Variants in SMG1 observed in about 807,000 individuals in gnomAD.
The protein encoded by SMG1 is SMG1 nonsense mediated mRNA decay associated PI3K related kinase.
A neutral mutation model predicts 419.9 loss-of-function variants in SMG1; 22 were observed. That is an observed-to-expected ratio of 0.05 (90% CI 0.04 to 0.07). The LOEUF (loss-of-function observed/expected upper bound fraction) is 0.07, where lower values mean the gene tolerates loss of function less well. Among genes scored for constraint, SMG1 ranks in the 10% least tolerant of loss-of-function variants. SMG1 has a pLI of 1.00. For missense variants in SMG1, 3,185 were observed against 4,342.0 expected, an observed-to-expected ratio of 0.73 and a Z score of 7.49; for synonymous variants, 1,538 against 1,553.5, an observed-to-expected ratio of 0.99 and a Z score of 0.23.
intron 13 of SMG1, among the ~76,000 whole-genome samples, chr16:18,874,655 C>T (rs1596568430): frequency 1.4e-5 from 2 of 147,142 alleles, no homozygotes; most frequent in South Asian, 4.3e-4. Context: ...CACCTGAGGT[C>T]AGGAGTTTGA....
rs1428574942 is a variant in SMG1, at chr16:18,827,030, G to A, written c.9741+1001C>T. 7.6e-5 allele frequency among the ~76,000 whole-genome samples: 3 copies of A among 39,588 alleles called. 1 individual carries two copies. Among genetic ancestry groups the A allele is most frequent in the South Asian group, 1.5e-3 (2 of 1,346 alleles). The allele number at this position is 39,588 out of a possible 152,430, so 26.0% of individuals were successfully genotyped here. A position where few individuals can be genotyped will look rare whatever the true frequency, so the allele number is the denominator to read the frequency against. ...GGGAGTGACCCGATTTTCCAGGTAC[G>A]TCCGTCACCCCTTTCTTTGACTCGG... is the stretch of plus-strand genomic sequence containing the variant. On this transcript the variant is annotated intron_variant, in intron 55 of 62. Coordinates refer to ENST00000446231, the MANE Select transcript of SMG1 (RefSeq NM_015092.5).
chr16:18,834,869 C>A, intron 49 of SMG1, 23 bp downstream of exon 49: 1 of 1,604,568 alleles, frequency 6.2e-7, no homozygotes, highest in South Asian at 1.1e-5. Flanking sequence ...GGAAATGGTC[C>A]AATATGAAGT....
Position 18,839,826 on chromosome 16 carries a change from G to A in SMG1, c.6817C>T (p.Arg2273Trp), listed in dbSNP as rs903141260. ...TVGLSLDVSR[R>W]DWPLHVMKAV... ...TTCATTACATGAAGAGGCCAATCCC[G>A]ACGGGACACATCCAGGCTAAGCCCA... The change falls in exon 42 of 63, where the codon CGG (arginine) becomes TGG (tryptophan). Residue 2273 changes from arginine (R) to tryptophan (W), a missense_variant. Coordinates refer to ENST00000446231, the MANE Select transcript of SMG1 (RefSeq NM_015092.5). 4 of 1,613,832 alleles carry A rather than the reference G, an allele frequency of 2.5e-6. No homozygotes were observed. The highest frequency in any genetic ancestry group is 1.3e-5 in the African/African-American group (1 of 74,910).
Position 18,839,902 on chromosome 16 carries a change from G to A in SMG1, c.6741C>T (p.Pro2247=), listed in dbSNP as rs1351823281. 6.2e-7 allele frequency: 1 copy of A among 1,607,168 alleles called. No individual in the cohort carries two copies. Among genetic ancestry groups the A allele is most frequent in the African/African-American group, 1.3e-5 (1 of 74,940 alleles). The change falls in exon 42 of 63, where the codon CCC becomes CCT. Residue 2247 remains proline (P), a synonymous_variant. Transcript: ENST00000446231. ...TACTGTAATAAAGTTCACTAGGACG[G>A]GGTACAATTCCAGGATTCTGAGGAG... is the stretch of plus-strand genomic sequence containing the variant. ...YQTPQNPGIV[P]RPSELYYSKI...
intron 1 of SMG1, among the ~76,000 whole-genome samples, chr16:18,907,340 C>G (rs1049287943): frequency 6.6e-5 from 10 of 151,644 alleles, no homozygotes; most frequent in Admixed American, 5.3e-4. Context: ...AAGTTCATGA[C>G]TTTCTCCTTG....
At chr16:18,899,740 A>G (rs2141873585) in intron 1 of SMG1, among the ~76,000 whole-genome samples, 1 of 152,310 alleles carries the variant, frequency 6.6e-6, no homozygotes, top group East Asian at 1.9e-4. Context: ...TAGGCTAGTT[A>G]GTTAGAAGAG....
intron 56 of SMG1, among the ~76,000 whole-genome samples, chr16:18,819,227 C>T (rs1177444268): frequency 6.6e-6 from 1 of 152,202 alleles, no homozygotes; most frequent in Non-Finnish European, 1.5e-5. Flanking sequence ...ACCCAGAGAA[C>T]CTTAAACAGA....
intron 6 of SMG1, among the ~76,000 whole-genome samples, chr16:18,888,984 G>A (rs1299641843): frequency 2.0e-5 from 3 of 151,788 alleles, no homozygotes; most frequent in East Asian, 1.9e-4. Context: ...CACCACGCCT[G>A]GCTAATTTTT....
chr16:18,884,143 A>G lies in SMG1; in HGVS notation c.1046T>C (p.Phe349Ser). ...AGAAAATGCAAGATCAGCTACCCAA[A>G]ATGGCTCCAAACTCTGCAACCACCC... ...VSGWLQSLEPFWVADLAFSTT... is the reference protein window; with the variant it reads ...VSGWLQSLEPSWVADLAFSTT... The change falls in exon 9 of 63, where the codon TTT becomes TCT. Residue 349 changes from phenylalanine (F) to serine (S), a missense_variant. Phe to Ser is a radical substitution (Grantham distance 155). This residue lies in a region of SMG1 where 27 missense variants were observed against 59.4 expected (regional missense o/e 0.45). Coordinates refer to ENST00000446231, the MANE Select transcript of SMG1 (RefSeq NM_015092.5). 2.5e-6 allele frequency: 4 copies of G among 1,602,672 alleles called. No homozygotes were observed. The highest frequency in any genetic ancestry group is 3.4e-6 in the Non-Finnish European group (4 of 1,172,258).
chr16:18,849,620 C>T (rs1039929005), intron 35 of SMG1, among the ~76,000 whole-genome samples: 4 of 152,150 alleles, frequency 2.6e-5, no homozygotes, highest in Admixed American at 6.5e-5. Flanking sequence ...AAAAATGTTA[C>T]GGAGAAATGT....
intron 1 of SMG1, among the ~76,000 whole-genome samples, chr16:18,903,934 C>CTTTTTTTTTT (rs71141091): frequency 1.1e-4 from 11 of 99,848 alleles, no homozygotes; most frequent in Non-Finnish European, 1.7e-4. Flanking sequence ...TATGTCTTGT[C>CTTTTTTTTTT]TTTTTTTTTT....
chr16:18,812,177 G>A, intron 60 of SMG1, 50 bp from the exon 61 acceptor site: 1 of 1,572,940 alleles, frequency 6.4e-7, no homozygotes, highest in Non-Finnish European at 8.6e-7. Flanking sequence ...AGAACATGGA[G>A]GGGGCAGAGT....
chr16:18,871,186 A>G (rs2035798983), intron 16 of SMG1, among the ~76,000 whole-genome samples, 178 bp downstream of exon 16: 1 of 152,192 alleles, frequency 6.6e-6, no homozygotes. Flanking sequence ...AATCACTTCA[A>G]AACATTTTTC....
chr16:18,849,171 GCA>G (rs2141369667), intron 36 of SMG1, 44 bp downstream of exon 36: 1 of 1,320,846 alleles, frequency 7.6e-7, no homozygotes, highest in Non-Finnish European at 1.0e-6. Context: ...AAAATTATTG[GCA>G]CAGTCATTTA....
intron 50 of SMG1, 106 bp downstream of exon 50, chr16:18,834,098 A>C: frequency 1.3e-6 from 1 of 767,308 alleles, no homozygotes; most frequent in Non-Finnish European, 2.1e-6. Context: ...TGACTGGTTG[A>C]GCAACATTCA....
chr16:18,885,506 AC>A lies in SMG1; in HGVS notation c.948+34del, dbSNP rs2036575896. 2 of 1,595,134 alleles carry A rather than the reference AC, an allele frequency of 1.3e-6. 1 individual carries two copies. Among genetic ancestry groups the A allele is most frequent in the Admixed American group, 3.3e-5 (2 of 59,952 alleles). ...CCTCACACACACAACCATCCCCCTC[AC>A]CCCATGATCTGAAAAGCGGAATGAG... On this transcript the variant is annotated intron_variant, in intron 7 of 62. Transcript: ENST00000446231.
intron 13 of SMG1, among the ~76,000 whole-genome samples, chr16:18,874,560 T>TAAAAAAAAAAA (rs531685275): frequency 9.0e-6 from 1 of 110,688 alleles, no homozygotes. Context: ...TCGAATTACT[T>TAAAAAAAAAAA]AAAAAAAAAA....
At position 18,811,838 on chromosome 16, in the gene SMG1, T is replaced by C. The variant is rs893878880; in HGVS notation, c.10831A>G (p.Ser3611Gly). The part of the protein sequence containing the change: ...AVQERNSYAV[S>G]VWKRVKAKLE... ...TTGGCTTTCACTCTCTTCCACACAC[T>C]CACTGCATAGGAGTTTCTCTCTTGC... Residue 3611 changes from serine (S) to glycine (G), a missense_variant, in exon 62 of 63, where the codon AGT becomes GGT. Transcript: ENST00000446231. 1.2e-6 allele frequency: 2 copies of C among 1,613,962 alleles called. No homozygotes were observed. Among genetic ancestry groups the C allele is most frequent in the Non-Finnish European group, 1.7e-6 (2 of 1,179,864 alleles).
chr16:18,842,457 A>G lies in SMG1; in HGVS notation c.6220-3T>C, dbSNP rs749023445. ...CTCTGTTGCAAACTTAGCATTATCT[A>G]TATTCATAAGATGGGAGAAACAAAT... is the stretch of plus-strand genomic sequence containing the variant. On this transcript the variant is annotated splice_region_variant and splice_polypyrimidine_tract_variant and intron_variant, in intron 39 of 62. Transcript: ENST00000446231. The G allele has an allele frequency of 6.2e-7, 1 of 1,610,974 alleles. No homozygotes were observed. The highest frequency in any genetic ancestry group is 8.5e-7 in the Non-Finnish European group (1 of 1,177,794).
Sources: allele counts gnomAD v4.1 joint callset (sites outside exome capture counted in the v4.1 genomes callset), GRCh38; gene constraint gnomAD v4.1.1; regional missense constraint gnomAD v4.1.1; transcripts MANE v1.5; gene names NCBI Gene and HGNC (gene_info 2026-07-23, HGNC 2026-07-21).